Variants in PNMA8C observed in about 807,000 individuals in gnomAD.
PNMA8C encodes the protein PNMA family member 8C.
chr19:46,425,587 C>CAAAAAAAAAAAA lies in PNMA8C; in HGVS notation c.*2146_*2157dup, dbSNP rs34559985. ...TGGGCTACAGAAGGAGACTCCACCT[C>CAAAAAAAAAAAA]AAAAAAAAAAAAAAAAAAAAAAAAA... On this transcript the variant is annotated 3_prime_UTR_variant, in exon 1 of 1. Transcript: ENST00000617053. 2 of 62,472 alleles carry CAAAAAAAAAAAA rather than the reference C, an allele frequency of 3.2e-5. No individual in the cohort carries two copies. The highest frequency in any genetic ancestry group is 5.6e-5 in the Non-Finnish European group (2 of 35,570). 3.9% of individuals were successfully genotyped at this position (62,472 alleles called of 1,614,324 possible). A position where few individuals can be genotyped will look rare whatever the true frequency, so the allele number is the denominator to read the frequency against.
chr19:46,428,616 A>T lies in PNMA8C; in HGVS notation c.-257T>A, dbSNP rs1394981726. On this transcript the variant is annotated 5_prime_UTR_variant, in exon 1 of 1. Coordinates refer to ENST00000617053, the MANE Select transcript of PNMA8C (RefSeq NM_001386793.1). ...TGGGCTCGAAGATTCCCAGGGACTT[A>T]CGCGTGCTGGAGAAGCAGAAGGCGG... The T allele has an allele frequency of 2.7e-6, 1 of 370,814 alleles. No individual in the cohort carries two copies. The highest frequency in any genetic ancestry group is 2.1e-5 in the African/African-American group (1 of 48,106). 23.0% of individuals were successfully genotyped at this position (370,814 alleles called of 1,614,324 possible).
In PNMA8C at chr19:46,425,474, G is replaced by C. The variant is rs1001940082; in HGVS notation, c.*2271C>G. On this transcript the variant is annotated 3_prime_UTR_variant, in exon 1 of 1. Transcript: ENST00000617053. ...GTGGTGGTGCGCACCTGTAGTCCCA[G>C]ATACTCAGGAGGCTGAGGCAGGAGA... The C allele has an allele frequency of 2.1e-5, 3 of 143,336 alleles. No individual in the cohort carries two copies. The highest frequency in any genetic ancestry group is 2.9e-5 in the Non-Finnish European group (2 of 67,878). The allele number at this position is 143,336 out of a possible 1,614,324, so 8.9% of individuals were successfully genotyped here.
At position 46,427,743 on chromosome 19, in the gene PNMA8C, C is replaced by T; in HGVS notation, c.*2G>A. 1 of 398,638 alleles carries T rather than the reference C, an allele frequency of 2.5e-6. No individual in the cohort carries two copies. Among genetic ancestry groups the T allele is most frequent in the African/African-American group, 2.1e-5 (1 of 48,748 alleles). The allele number at this position is 398,638 out of a possible 1,614,324, so 24.7% of individuals were successfully genotyped here. ...TCCCCACGCCCACCCGATGCCACCACCTCACAGCTTCTTGTCTGAGGCGTG... is the reference window on the plus strand; with the variant it reads ...TCCCCACGCCCACCCGATGCCACCATCTCACAGCTTCTTGTCTGAGGCGTG... On this transcript the variant is annotated 3_prime_UTR_variant, in exon 1 of 1. Transcript: ENST00000617053.
At position 46,427,841 on chromosome 19, in the gene PNMA8C, G is replaced by A; in HGVS notation, c.519C>T (p.Ser173=). The A allele has an allele frequency of 2.5e-6, 1 of 398,592 alleles. No homozygotes were observed. Among genetic ancestry groups the A allele is most frequent in the Non-Finnish European group, 4.4e-6 (1 of 226,070 alleles). 24.7% of individuals were successfully genotyped at this position (398,592 alleles called of 1,614,324 possible). A position where few individuals can be genotyped will look rare whatever the true frequency, so the allele number is the denominator to read the frequency against. ...VQMDVVPPLD[S]SEKESKAGVG... is the part of the protein sequence containing the mutation. ...CTCCAGCCTTGCTCTCCTTCTCGGA[G>A]GAGTCCAGAGGTGGCACCACGTCCA... Residue 173 remains serine, a synonymous_variant, in exon 1 of 1, where the codon TCC becomes TCT. Transcript: ENST00000617053.
At position 46,426,409 on chromosome 19, in the gene PNMA8C, C is replaced by T. The variant is rs1198107946; in HGVS notation, c.*1336G>A. The T allele has an allele frequency of 3.9e-5, 6 of 152,246 alleles. No individual in the cohort carries two copies. The highest frequency in any genetic ancestry group is 3.3e-4 in the Admixed American group (5 of 15,272). 9.4% of individuals were successfully genotyped at this position (152,246 alleles called of 1,614,324 possible). A position where few individuals can be genotyped will look rare whatever the true frequency, so the allele number is the denominator to read the frequency against. On this transcript the variant is annotated 3_prime_UTR_variant, in exon 1 of 1. Transcript: ENST00000617053. The stretch of plus-strand genomic sequence containing the variant: ...TTCCTCAGAGGTGGGGAGCAGGCAA[C>T]TCACTCTCAGCCATGGTTTCTGCTT...
rs1969420929 is a variant in PNMA8C at position 46,426,472 on chromosome 19, T to C, written c.*1273A>G. ...ACAGGGTGGCCCACTCCGAACAAGT[T>C]TGTGCCAGAGGTACATTCAAGGTAC... On this transcript the variant is annotated 3_prime_UTR_variant, in exon 1 of 1. Transcript: ENST00000617053. The C allele has an allele frequency of 6.6e-6, 1 of 152,042 alleles. No individual in the cohort carries two copies. Among genetic ancestry groups the C allele is most frequent in the Non-Finnish European group, 1.5e-5 (1 of 68,022 alleles). The allele number at this position is 152,042 out of a possible 1,614,324, so 9.4% of individuals were successfully genotyped here.
rs1448154158 is a variant in PNMA8C, at chr19:46,428,026, T to C, written c.334A>G (p.Asn112Asp). The C allele has an allele frequency of 7.5e-6, 3 of 398,576 alleles. No homozygotes were observed. The highest frequency in any genetic ancestry group is 6.2e-5 in the African/African-American group (3 of 48,592). The allele number at this position is 398,576 out of a possible 1,614,324, so 24.7% of individuals were successfully genotyped here. A position where few individuals can be genotyped will look rare whatever the true frequency, so the allele number is the denominator to read the frequency against. Residue 112 changes from asparagine to aspartate, a missense_variant, in exon 1 of 1, where the codon AAC (asparagine) becomes GAC (aspartate). Transcript: ENST00000617053. ...CTGCCCTCGCTCTGCAGAAAGAGGT[T>C]CAGCTTGGTCAGGAATTCAATGTCC... is the stretch of plus-strand genomic sequence containing the variant. Reference protein sequence around the residue: ...KQDIEFLTKLNLFLQSEGRTV... With the variant: ...KQDIEFLTKLDLFLQSEGRTV...
Position 46,428,617 on chromosome 19 carries a change from C to T in PNMA8C, c.-258G>A. 2 of 369,876 alleles carry T rather than the reference C, an allele frequency of 5.4e-6. No individual in the cohort carries two copies. The highest frequency in any genetic ancestry group is 4.8e-6 in the Non-Finnish European group (1 of 208,102). 22.9% of individuals were successfully genotyped at this position (369,876 alleles called of 1,614,324 possible). ...GGGCTCGAAGATTCCCAGGGACTTA[C>T]GCGTGCTGGAGAAGCAGAAGGCGGT... On this transcript the variant is annotated 5_prime_UTR_variant, in exon 1 of 1. Coordinates refer to ENST00000617053, the MANE Select transcript of PNMA8C (RefSeq NM_001386793.1).
In PNMA8C at chr19:46,428,271, C is replaced by T; in HGVS notation, c.89G>A (p.Gly30Glu). ...VDSYKSLMIL[G>E]IPEDCNHEEF... is the part of the protein sequence containing the mutation. ...CTCGTGGTTGCAGTCCTCCGGGATC[C>T]CCAGGATCATCAGGGACTTGTAACT... The change falls in exon 1 of 1, where the codon GGG becomes GAG. Residue 30 changes from glycine to glutamate, a missense_variant. Physicochemically the swap from Gly to Glu is moderately conservative, Grantham distance 98 (BLOSUM62 -2). Transcript: ENST00000617053. The T allele has an allele frequency of 2.5e-6, 1 of 398,692 alleles. No homozygotes were observed. The highest frequency in any genetic ancestry group is 4.4e-6 in the Non-Finnish European group (1 of 226,112). The allele number at this position is 398,692 out of a possible 1,614,324, so 24.7% of individuals were successfully genotyped here.
rs1212011442 is a variant in PNMA8C at position 46,428,692 on chromosome 19, G to A, written c.-333C>T. On this transcript the variant is annotated 5_prime_UTR_variant, in exon 1 of 1. Coordinates refer to ENST00000617053, the MANE Select transcript of PNMA8C (RefSeq NM_001386793.1). ...CGGGTCCTGGGCAAGGCTGCACCAAGGAGGGTCTAAAGATGATGCTTCCCC... is the reference window on the plus strand; with the variant it reads ...CGGGTCCTGGGCAAGGCTGCACCAAAGAGGGTCTAAAGATGATGCTTCCCC... 1 of 252,772 alleles carries A rather than the reference G, an allele frequency of 4.0e-6. No individual in the cohort carries two copies. Among genetic ancestry groups the A allele is most frequent in the Non-Finnish European group, 7.5e-6 (1 of 133,884 alleles). 15.7% of individuals were successfully genotyped at this position (252,772 alleles called of 1,614,324 possible).
Position 46,427,591 on chromosome 19 carries a change from C to A in PNMA8C, c.*154G>T. On this transcript the variant is annotated 3_prime_UTR_variant, in exon 1 of 1. Coordinates refer to ENST00000617053, the MANE Select transcript of PNMA8C (RefSeq NM_001386793.1). The stretch of plus-strand genomic sequence containing the variant: ...TATCCAAATGATACCCATTCTTACT[C>A]CAAAGTTACCCACTCACTAGAGTCA... 2.5e-6 allele frequency: 1 copy of A among 397,062 alleles called. No individual in the cohort carries two copies. The highest frequency in any genetic ancestry group is 4.4e-6 in the Non-Finnish European group (1 of 225,674). The allele number at this position is 397,062 out of a possible 1,614,324, so 24.6% of individuals were successfully genotyped here.
Position 46,428,347 on chromosome 19 carries a change from C to T in PNMA8C, c.13G>A (p.Val5Met). Reference sequence around the variant, plus strand: ...TGCTCCAACAGTGCAATGTCCTTCACCCCGAACAGCATCTTGCCCAACTCT... The same window carrying T: ...TGCTCCAACAGTGCAATGTCCTTCATCCCGAACAGCATCTTGCCCAACTCT... MLFGVKDIALLEHGC... is the reference protein window; with the variant it reads MLFGMKDIALLEHGC... The change falls in exon 1 of 1, where the codon GTG becomes ATG. Residue 5 changes from valine to methionine, a missense_variant. By Grantham distance (21) the Val-to-Met change is conservative. Coordinates refer to ENST00000617053, the MANE Select transcript of PNMA8C (RefSeq NM_001386793.1). The T allele has an allele frequency of 2.5e-6, 1 of 398,742 alleles. No individual in the cohort carries two copies. The highest frequency in any genetic ancestry group is 4.4e-5 in the Admixed American group (1 of 22,738). The allele number at this position is 398,742 out of a possible 1,614,324, so 24.7% of individuals were successfully genotyped here.
chr19:46,427,032 G>C lies in PNMA8C; in HGVS notation c.*713C>G, dbSNP rs1373390388. 2 of 152,174 alleles carry C rather than the reference G, an allele frequency of 1.3e-5. No individual in the cohort carries two copies. Among genetic ancestry groups the C allele is most frequent in the African/African-American group, 4.8e-5 (2 of 41,418 alleles). The allele number at this position is 152,174 out of a possible 1,614,324, so 9.4% of individuals were successfully genotyped here. A position where few individuals can be genotyped will look rare whatever the true frequency, so the allele number is the denominator to read the frequency against. Reference sequence around the variant, plus strand: ...CCCACAACTACTTTCAATTATACGCGGATGCCACCCACACACTCTAATGCT... The same window carrying C: ...CCCACAACTACTTTCAATTATACGCCGATGCCACCCACACACTCTAATGCT... On this transcript the variant is annotated 3_prime_UTR_variant, in exon 1 of 1. Transcript: ENST00000617053.
Position 46,425,356 on chromosome 19 carries a change from G to C in PNMA8C, c.*2389C>G, listed in dbSNP as rs191214744. On this transcript the variant is annotated 3_prime_UTR_variant, in exon 1 of 1. Coordinates refer to ENST00000617053, the MANE Select transcript of PNMA8C (RefSeq NM_001386793.1). ...TGTAATCCCAACACTTTGGGAGGCC[G>C]AAGTGGGCGGATCACAAGGTCAGGA... 1 of 152,158 alleles carries C rather than the reference G, an allele frequency of 6.6e-6. No homozygotes were observed. Among genetic ancestry groups the C allele is most frequent in the Non-Finnish European group, 1.5e-5 (1 of 68,038 alleles). The allele number at this position is 152,158 out of a possible 1,614,324, so 9.4% of individuals were successfully genotyped here.
At position 46,425,985 on chromosome 19, in the gene PNMA8C, A is replaced by G. The variant is rs1346447802; in HGVS notation, c.*1760T>C. On this transcript the variant is annotated 3_prime_UTR_variant, in exon 1 of 1. Transcript: ENST00000617053. ...CATTTTTGAAAAGAGATTCAGTCAAACCTTTGCAGATCCTTGAACTAACAA... is the reference window on the plus strand; with the variant it reads ...CATTTTTGAAAAGAGATTCAGTCAAGCCTTTGCAGATCCTTGAACTAACAA... 1.3e-5 allele frequency: 2 copies of G among 152,218 alleles called. No individual in the cohort carries two copies. The highest frequency in any genetic ancestry group is 4.8e-5 in the African/African-American group (2 of 41,464). 9.4% of individuals were successfully genotyped at this position (152,218 alleles called of 1,614,324 possible).
rs1568594394 is a variant in PNMA8C at position 46,424,938 on chromosome 19, A to G, written c.*2807T>C. 6.6e-6 allele frequency: 1 copy of G among 151,786 alleles called. No homozygotes were observed. The allele number at this position is 151,786 out of a possible 1,614,324, so 9.4% of individuals were successfully genotyped here. A position where few individuals can be genotyped will look rare whatever the true frequency, so the allele number is the denominator to read the frequency against. On this transcript the variant is annotated 3_prime_UTR_variant, in exon 1 of 1. Coordinates refer to ENST00000617053, the MANE Select transcript of PNMA8C (RefSeq NM_001386793.1). ...CAAATGGTGACAGTTTTGCATGACA[A>G]CTTGCATTGGAGTCCCAGGATACAC...
rs1048511729 is a variant in PNMA8C at position 46,426,921 on chromosome 19, C to A, written c.*824G>T. 2 of 152,232 alleles carry A rather than the reference C, an allele frequency of 1.3e-5. No homozygotes were observed. Among genetic ancestry groups the A allele is most frequent in the Non-Finnish European group, 2.9e-5 (2 of 68,048 alleles). The allele number at this position is 152,232 out of a possible 1,614,324, so 9.4% of individuals were successfully genotyped here. On this transcript the variant is annotated 3_prime_UTR_variant, in exon 1 of 1. Coordinates refer to ENST00000617053, the MANE Select transcript of PNMA8C (RefSeq NM_001386793.1). ...GGAAGATATTTGTGGGTCTTTGAGA[C>A]CCTTCCTCGCTTAGAAATTACTCTC...
Position 46,426,882 on chromosome 19 carries a change from G to T in PNMA8C, c.*863C>A, listed in dbSNP as rs1969424386. On this transcript the variant is annotated 3_prime_UTR_variant, in exon 1 of 1. Transcript: ENST00000617053. ...GCGCCTGCGCGGCTGGTCCCGCGGG[G>T]TCTCCCGAGTAGCGGAAGATATTTG... 1 of 152,262 alleles carries T rather than the reference G, an allele frequency of 6.6e-6. No homozygotes were observed. The highest frequency in any genetic ancestry group is 6.5e-5 in the Admixed American group (1 of 15,276). 9.4% of individuals were successfully genotyped at this position (152,262 alleles called of 1,614,324 possible).
rs773873982 is a variant in PNMA8C, at chr19:46,425,032, G to A, written c.*2713C>T. The A allele has an allele frequency of 6.6e-6, 1 of 152,134 alleles. No individual in the cohort carries two copies. The highest frequency in any genetic ancestry group is 1.5e-5 in the Non-Finnish European group (1 of 68,032). 9.4% of individuals were successfully genotyped at this position (152,134 alleles called of 1,614,324 possible). ...TTCATGGGCAACATTGAACAACCAC[G>A]CATGTTGTGTATCACAAATATAAAT... On this transcript the variant is annotated 3_prime_UTR_variant, in exon 1 of 1. Transcript: ENST00000617053.
Sources: gnomAD v4.1 joint callset for allele counts on GRCh38, gnomAD v4.1.1 for gene constraint, MANE v1.5 for transcripts, NCBI Gene and HGNC (gene_info 2026-07-23, HGNC 2026-07-21) for gene names.